Variants in GULP1 observed in about 807,000 individuals in gnomAD.
The protein encoded by GULP1 is GULP PTB domain containing engulfment adaptor 1.
A neutral mutation model predicts 40.9 loss-of-function variants in GULP1; 19 were observed. The observed-to-expected ratio is 0.46, with a 90% CI of 0.32 to 0.68. GULP1 has a LOEUF of 0.68. Among genes scored for constraint, GULP1 ranks in the 30% least tolerant of loss-of-function variants. The pLI, the probability that GULP1 is intolerant of heterozygous loss-of-function variation, is 0.03. For missense variants in GULP1, 312 were observed against 362.2 expected (o/e 0.86, Z 1.12); for synonymous variants, 119 against 117.6 (o/e 1.01, Z -0.08).
At chr2:188,588,344 A>G (rs1300888836) in intron 11 of GULP1, 2 of 186,582 alleles carry the variant, frequency 1.1e-5, no homozygotes, top group Non-Finnish European at 2.3e-5. Flanking sequence ...TCTTTGTAAG[A>G]GTGAAATTAT....
intron 2 of GULP1, among the ~76,000 whole-genome samples, chr2:188,404,426 GA>G (rs919114307): frequency 5.9e-5 from 9 of 152,146 alleles, no homozygotes; most frequent in African/African-American, 2.2e-4. Context: ...TCTTGGTGTG[GA>G]GACAGATACT....
chr2:188,581,162 G>A (rs140349364), intron 9 of GULP1, among the ~76,000 whole-genome samples: 2 of 152,260 alleles, frequency 1.3e-5, no homozygotes, highest in Admixed American at 1.3e-4. Context: ...GGCCTTAGGT[G>A]CCTCTCCTGA....
chr2:188,318,417 G>T (rs2039454894), intron 1 of GULP1, among the ~76,000 whole-genome samples: 1 of 152,062 alleles, frequency 6.6e-6, no homozygotes, highest in Admixed American at 6.6e-5. Context: ...AAAATTCCCA[G>T]AGTAACAATG....
intron 2 of GULP1, among the ~76,000 whole-genome samples, chr2:188,387,114 T>C (rs529701866): frequency 2.6e-5 from 4 of 152,186 alleles, no homozygotes; most frequent in Non-Finnish European, 1.5e-5. Context: ...CAAGTGCCTG[T>C]AATCCCAGTT....
chr2:188,529,412 T>TA, intron 6 of GULP1, among the ~76,000 whole-genome samples: 1 of 152,066 alleles, frequency 6.6e-6, no homozygotes, highest in Non-Finnish European at 1.5e-5. Context: ...ATTAATAACT[T>TA]ATGTTAAGTG....
intron 3 of GULP1, among the ~76,000 whole-genome samples, chr2:188,478,104 T>A (rs575814353): frequency 6.6e-6 from 1 of 152,250 alleles, no homozygotes; most frequent in South Asian, 2.1e-4. Context: ...AATTCATTCA[T>A]AATTGTGTGT....
chr2:188,392,262 A>G (rs560932323), intron 2 of GULP1, among the ~76,000 whole-genome samples: 2 of 151,762 alleles, frequency 1.3e-5, no homozygotes, highest in Non-Finnish European at 2.9e-5. Context: ...TTTGTTTGTT[A>G]TGAATTCAAT....
At chr2:188,391,285 G>A (rs1239494639) in intron 2 of GULP1, among the ~76,000 whole-genome samples, 1 of 152,018 alleles carries the variant, frequency 6.6e-6, no homozygotes, top group Non-Finnish European at 1.5e-5. Context: ...ATTTCTTTCA[G>A]CAGTGTTTTT....
At chr2:188,568,936 TAAA>T (rs1698427214) in intron 7 of GULP1, among the ~76,000 whole-genome samples, 1 of 152,040 alleles carries the variant, frequency 6.6e-6, no homozygotes, top group African/African-American at 2.4e-5. Context: ...AACAATACAA[TAAA>T]AGAGATGAGA....
At chr2:188,343,375 G>GTTTTAAT (rs1286718539) in intron 1 of GULP1, among the ~76,000 whole-genome samples, 1 of 152,104 alleles carries the variant, frequency 6.6e-6, no homozygotes, top group Non-Finnish European at 1.5e-5. Flanking sequence ...AAATTAAAAT[G>GTTTTAAT]TTTGATTTTA....
At chr2:188,500,691 A>G (rs2063347260) in intron 4 of GULP1, among the ~76,000 whole-genome samples, 1 of 151,904 alleles carries the variant, frequency 6.6e-6, no homozygotes, top group African/African-American at 2.4e-5. Context: ...CACCATCAAG[A>G]TTTTTTGAAT....
intron 9 of GULP1, chr2:188,582,611 T>G: frequency 2.3e-6 from 1 of 436,130 alleles, no homozygotes; most frequent in Non-Finnish European, 4.8e-6. Flanking sequence ...CCACTTATTT[T>G]GCTTAAATTC....
chr2:188,371,394 T>C (rs867015845), intron 1 of GULP1, among the ~76,000 whole-genome samples: 2 of 152,052 alleles, frequency 1.3e-5, no homozygotes. Context: ...AAATGATAAA[T>C]AGTACAAAGG....
intron 4 of GULP1, among the ~76,000 whole-genome samples, chr2:188,496,215 C>T (rs2062881288): frequency 6.6e-6 from 1 of 151,982 alleles, no homozygotes; most frequent in Admixed American, 6.6e-5. Context: ...AATGAAAGGG[C>T]TTGACCAGCT....
At chr2:188,411,127 G>T (rs2053821783) in intron 2 of GULP1, among the ~76,000 whole-genome samples, 1 of 151,362 alleles carries the variant, frequency 6.6e-6, no homozygotes, top group Non-Finnish European at 1.5e-5. Flanking sequence ...GCTGATCGGG[G>T]CATGGCTGTG....
intron 1 of GULP1, among the ~76,000 whole-genome samples, chr2:188,322,940 C>G (rs956185933): frequency 2.0e-5 from 3 of 152,076 alleles, no homozygotes; most frequent in African/African-American, 7.2e-5. Context: ...GTCAAGACCT[C>G]TTTATCTTTA....
intron 2 of GULP1, among the ~76,000 whole-genome samples, chr2:188,469,389 A>AT (rs1474771765): frequency 1.3e-5 from 2 of 152,196 alleles, no homozygotes; most frequent in Non-Finnish European, 2.9e-5. Flanking sequence ...TCACAAGTGC[A>AT]TTAGTCCATT....
At chr2:188,585,896 A>G (rs1421944554) in intron 10 of GULP1, among the ~76,000 whole-genome samples, 1 of 152,200 alleles carries the variant, frequency 6.6e-6, no homozygotes, top group Non-Finnish European at 1.5e-5. Context: ...TTCTTTTTCT[A>G]CCACATAGTC....
At chr2:188,533,489 T>C (rs1317617488) in intron 6 of GULP1, among the ~76,000 whole-genome samples, 1 of 152,128 alleles carries the variant, frequency 6.6e-6, no homozygotes, top group African/African-American at 2.4e-5. Flanking sequence ...TCAAGATGGA[T>C]CAAATATTTA....
Sources: allele counts gnomAD v4.1 joint callset (sites outside exome capture counted in the v4.1 genomes callset), GRCh38; gene constraint gnomAD v4.1.1; transcripts MANE v1.5; gene names NCBI Gene and HGNC (gene_info 2026-07-23, HGNC 2026-07-21).